Variants in RCC2 observed in about 807,000 individuals in gnomAD.
The protein encoded by RCC2 is protein RCC2.
A neutral mutation model predicts 64.1 loss-of-function variants in RCC2; 19 were observed. That is an observed-to-expected ratio of 0.30 (90% CI 0.21 to 0.44). The LOEUF (loss-of-function observed/expected upper bound fraction) is 0.44. Among genes scored for constraint, RCC2 ranks in the 20% least tolerant of loss-of-function variants. The pLI is 1.00. For synonymous variants in RCC2, 325 were observed against 279.6 expected (o/e 1.16, Z -1.62); for missense variants, 508 against 710.4 (o/e 0.72, Z 3.24).
At chr1:17,413,818 G>A in intron 8 of RCC2, 101 bp from the exon 9 acceptor site, 1 of 1,060,064 alleles carries the variant, frequency 9.4e-7, no homozygotes, top group Admixed American at 2.3e-5. Flanking sequence ...AATGCTAAGG[G>A]CAAAGGAACA....
intron 10 of RCC2, among the ~76,000 whole-genome samples, chr1:17,412,707 T>G (rs61046765): frequency 6.6e-6 from 1 of 152,362 alleles, no homozygotes; most frequent in African/African-American, 2.4e-5. Flanking sequence ...AAACCACTGC[T>G]GCCAAGACAA....
chr1:17,430,288 G>A (rs969919392), intron 2 of RCC2, among the ~76,000 whole-genome samples: 18 of 151,988 alleles, frequency 1.2e-4, no homozygotes, highest in African/African-American at 2.4e-4. Flanking sequence ...AGGCCGAGGC[G>A]GGCAGATTGC....
At chr1:17,422,399 G>A in intron 5 of RCC2, 108 bp from the exon 6 acceptor site, 1 of 1,033,706 alleles carries the variant, frequency 9.7e-7, no homozygotes, top group Non-Finnish European at 1.4e-6. Context: ...TTGCCAGGCA[G>A]AAGGCAAGTG....
At chr1:17,414,537 A>AAAAAC (rs1553156475) in intron 8 of RCC2, among the ~76,000 whole-genome samples, 1 of 149,986 alleles carries the variant, frequency 6.7e-6, no homozygotes, top group Non-Finnish European at 1.5e-5. Flanking sequence ...CTCAAAAAAA[A>AAAAAC]AAAACAAAAC....
intron 11 of RCC2, among the ~76,000 whole-genome samples, chr1:17,411,802 C>T (rs1014034747): frequency 5.9e-5 from 9 of 152,128 alleles, no homozygotes; most frequent in African/African-American, 2.2e-4. Context: ...CTTAGGCCTC[C>T]AGGGGAGAGG....
intron 1 of RCC2, among the ~76,000 whole-genome samples, chr1:17,439,330 C>CT (rs34171604): frequency 0.028 from 3,840 of 139,352 alleles, 83 homozygotes; most frequent in East Asian, 0.1. Flanking sequence ...CCCCTGTCTG[C>CT]TTTTTTTTTT....
At chr1:17,432,754 C>G (rs2075695383) in intron 2 of RCC2, among the ~76,000 whole-genome samples, 7 of 152,208 alleles carry the variant, frequency 4.6e-5, no homozygotes, top group Admixed American at 4.6e-4. Flanking sequence ...ACTGATCCAT[C>G]AAGCTAGCTA....
rs573985158 is a variant in RCC2 at position 17,438,973 on chromosome 1, C to A, written c.-8-451G>T. On this transcript the variant is annotated intron_variant, in intron 1 of 12. Coordinates refer to ENST00000375436, the MANE Select transcript of RCC2 (RefSeq NM_018715.4). ...TGCTCCCCGGCTACCCCACCTGCTGCTTTTGTCTCCGCAGTCTCCCCCCAA... is the reference window on the plus strand; with the variant it reads ...TGCTCCCCGGCTACCCCACCTGCTGATTTTGTCTCCGCAGTCTCCCCCCAA... Among the ~76,000 whole-genome samples the A allele has an allele frequency of 4.0e-3, 610 of 152,068 alleles. 3 individuals are homozygous for A. Among genetic ancestry groups the A allele is most frequent in the Non-Finnish European group, 7.5e-3 (512 of 67,952 alleles).
chr1:17,416,358 G>A (rs1223269258), intron 8 of RCC2, 122 bp downstream of exon 8: 4 of 1,132,096 alleles, frequency 3.5e-6, no homozygotes, highest in Admixed American at 5.0e-5. Context: ...CCCTCTTGAA[G>A]AAGCAAGCAG....
intron 8 of RCC2, 88 bp from the exon 9 acceptor site, chr1:17,413,805 G>A (rs1005654184): frequency 3.0e-5 from 36 of 1,216,398 alleles, no homozygotes; most frequent in Non-Finnish European, 3.9e-5. Context: ...ACAACCTGGT[G>A]CAAATGCTAA....
intron 7 of RCC2, 71 bp from the exon 8 acceptor site, chr1:17,416,717 AC>A: frequency 6.7e-7 from 1 of 1,488,516 alleles, no homozygotes; most frequent in East Asian, 2.3e-5. Flanking sequence ...GCTCACACGG[AC>A]TCTGTAGTGA....
chr1:17,437,622 G>C (rs1009208233), intron 2 of RCC2, among the ~76,000 whole-genome samples: 4 of 5,024 alleles, frequency 8.0e-4, no homozygotes, highest in African/African-American at 5.3e-3. Flanking sequence ...AACAAAGCCC[G>C]AGCACCGCTC....
chr1:17,415,120 G>A (rs935215924), intron 8 of RCC2, among the ~76,000 whole-genome samples: 10 of 152,152 alleles, frequency 6.6e-5, no homozygotes, highest in South Asian at 2.1e-4. Flanking sequence ...AAAAAACTTG[G>A]CCTATAAGGC....
At chr1:17,425,105 C>T (rs1274430886) in intron 4 of RCC2, among the ~76,000 whole-genome samples, 1 of 152,152 alleles carries the variant, frequency 6.6e-6, no homozygotes, top group African/African-American at 2.4e-5. Flanking sequence ...ACGCAGCATC[C>T]TATGACATGA....
At position 17,431,533 on chromosome 1, in the gene RCC2, A is replaced by G. The variant is rs1331685668; in HGVS notation, c.286-2334T>C. On this transcript the variant is annotated intron_variant, in intron 2 of 12. Transcript: ENST00000375436. ...AAAAAAAAAAAAAAGAAAGAAAGAA[A>G]AAGAAAAAAGGGCAGCTCCAGGCCC... 2.7e-5 allele frequency among the ~76,000 whole-genome samples: 4 copies of G among 148,732 alleles called. No individual in the cohort carries two copies. The Admixed American group carries it at 2.7e-4, about 10-fold the overall frequency.
chr1:17,422,095 G>A, intron 6 of RCC2, 108 bp downstream of exon 6: 2 of 745,788 alleles, frequency 2.7e-6, no homozygotes, highest in Non-Finnish European at 4.4e-6. Flanking sequence ...TCCAGACCCT[G>A]TTTTTACAAG....
intron 3 of RCC2, among the ~76,000 whole-genome samples, chr1:17,426,196 T>C (rs566999164): frequency 1.3e-5 from 2 of 152,090 alleles, no homozygotes; most frequent in East Asian, 3.9e-4. Flanking sequence ...CTGCCCTCCA[T>C]CTCCGGCCTT....
In RCC2 at chr1:17,416,639, G is replaced by A. The variant is rs998198849; in HGVS notation, c.867C>T (p.Asn289=). 6.2e-7 allele frequency: 1 copy of A among 1,612,276 alleles called. No homozygotes were observed. The highest frequency in any genetic ancestry group is 1.3e-5 in the African/African-American group (1 of 74,888). Residue 289 remains asparagine, a synonymous_variant, in exon 8 of 13, where the codon AAC becomes AAT. Transcript: ENST00000375436. ...CCCGGGCGATGAACTTCCCATCTGA[G>A]TTGTGTCCTGTAGAGACCACAGAGC... ...GCPEYGQLGH[N]SDGKFIARAQ...
chr1:17,427,606 C>CAG (rs2100382534), intron 3 of RCC2, among the ~76,000 whole-genome samples: 1 of 152,300 alleles, frequency 6.6e-6, no homozygotes, highest in African/African-American at 2.4e-5. Context: ...AGTATCATCA[C>CAG]GACCCTGTGC....
Sources: allele counts gnomAD v4.1 joint callset (sites outside exome capture counted in the v4.1 genomes callset), GRCh38; gene constraint gnomAD v4.1.1; transcripts MANE v1.5; gene names NCBI Gene and HGNC (gene_info 2026-07-23, HGNC 2026-07-21).